The following SMAD6 variants were observed in gnomAD, a reference collection of about 807,000 sequenced individuals.
SMAD6 encodes the protein SMAD family member 6.
Under a neutral mutation model 39.4 loss-of-function variants are expected in SMAD6, and 103 were observed. The observed-to-expected ratio is 2.62, with a 90% confidence interval of 2.23 to 3.08. SMAD6 has a LOEUF of 3.08. SMAD6 is among the 30% of genes most tolerant of loss of function. The pLI is 0.00. For missense variants in SMAD6, 1,104 were observed against 742.9 expected (o/e 1.49, Z -5.65); for synonymous variants, 445 against 353.3 (o/e 1.26, Z -2.91).
At chr15:66,708,660 AAAG>A (rs1345290132) in intron 1 of SMAD6, 15 of 459,564 alleles carry the variant, frequency 3.3e-5, no homozygotes, top group Admixed American at 1.2e-4. Flanking sequence ...GTGCCACATG[AAAG>A]AAGAAGCCAG....
chr15:66,750,265 C>T (rs1350995874), intron 3 of SMAD6, among the ~76,000 whole-genome samples: 1 of 152,200 alleles, frequency 6.6e-6, no homozygotes, highest in Non-Finnish European at 1.5e-5. Flanking sequence ...CCAAACCCCT[C>T]TTTCTTTGTG....
Position 66,704,117 on chromosome 15 carries a change from C to G in SMAD6, c.817+42C>G, listed in dbSNP as rs552541061. The stretch of plus-strand genomic sequence containing the variant: ...GGCCGGGGGGGCCCCGGGTCCCCGT[C>G]CCCATCCCCTTCCGTGCCCTTCTCT... On this transcript the variant is annotated intron_variant, in intron 1 of 3. Coordinates refer to ENST00000288840, the MANE Select transcript of SMAD6 (RefSeq NM_005585.5). 4.5e-6 allele frequency: 6 copies of G among 1,341,036 alleles called. No homozygotes were observed. The South Asian group carries it at 4.8e-5, about 11-fold the overall frequency. The allele number at this position is 1,341,036 out of a possible 1,614,324, so 83.1% of individuals were successfully genotyped here.
chr15:66,717,407 C>T (rs1476427708), intron 3 of SMAD6: 1 of 456,126 alleles, frequency 2.2e-6, no homozygotes, highest in South Asian at 1.5e-5. Flanking sequence ...CTCCACTTGG[C>T]CGCTTTATAT....
At chr15:66,727,164 A>G (rs1893536956) in intron 3 of SMAD6, among the ~76,000 whole-genome samples, 1 of 149,884 alleles carries the variant, frequency 6.7e-6, no homozygotes, top group Admixed American at 6.7e-5. Flanking sequence ...GTGCAGTGGC[A>G]TGATCTCGGC....
rs1315294969 is a variant in SMAD6, at chr15:66,781,101, G to A, written c.1057G>A (p.Ala353Thr). Residue 353 changes from alanine to threonine, a missense_variant, in exon 4 of 4, where the codon GCC becomes ACC. Physicochemically the swap from Ala to Thr is moderately conservative, Grantham distance 58. Coordinates refer to ENST00000288840, the MANE Select transcript of SMAD6 (RefSeq NM_005585.5). ...VGRLYAVYDQAVSIFYDLPQG... is the reference protein window; with the variant it reads ...VGRLYAVYDQTVSIFYDLPQG... ...CCGCCTCTATGCGGTGTACGACCAG[G>A]CCGTCAGCATCTTCTACGACCTACC... is the stretch of plus-strand genomic sequence containing the variant. The A allele has an allele frequency of 3.7e-6, 6 of 1,608,510 alleles. No homozygotes were observed. Among genetic ancestry groups the A allele is most frequent in the East Asian group, 4.5e-5 (2 of 44,842 alleles).
intron 3 of SMAD6, among the ~76,000 whole-genome samples, chr15:66,738,637 G>T (rs565853444): frequency 1.3e-5 from 2 of 152,156 alleles, no homozygotes; most frequent in South Asian, 4.2e-4. Context: ...ACTTTTCCAT[G>T]TTGCACCCAG....
intron 3 of SMAD6, among the ~76,000 whole-genome samples, chr15:66,748,699 ACTCT>A (rs1234410457): frequency 1.3e-5 from 2 of 151,858 alleles, no homozygotes; most frequent in African/African-American, 4.8e-5. Context: ...GGGAGTTCCT[ACTCT>A]CCTGCCCTTC....
intron 1 of SMAD6, chr15:66,708,655 A>G (rs1893167563): frequency 2.2e-6 from 1 of 458,582 alleles, no homozygotes; most frequent in Admixed American, 2.4e-5. Flanking sequence ...ACTTTGTGCC[A>G]CATGAAAGAA....
chr15:66,734,105 G>A lies in SMAD6; in HGVS notation c.952+17607G>A, dbSNP rs1468097238. 3.9e-5 allele frequency among the ~76,000 whole-genome samples: 6 copies of A among 152,236 alleles called. No homozygotes were observed. In the East Asian group the frequency reaches 5.8e-4, roughly 15 times the overall value. On this transcript the variant is annotated intron_variant, in intron 3 of 3. Transcript: ENST00000288840. ...CACAGCCGGGAGGGAGGGAGAGGCC[G>A]GAGAGGCGGCCATCAGTGCTTGCAG...
intron 3 of SMAD6, among the ~76,000 whole-genome samples, chr15:66,723,311 TCAGA>T (rs1034292292): frequency 3.2e-4 from 49 of 152,312 alleles, no homozygotes; most frequent in African/African-American, 1.1e-3. Context: ...CCCCATGGCC[TCAGA>T]CAAAGGACTT....
At chr15:66,761,680 T>G (rs1894202179) in intron 3 of SMAD6, among the ~76,000 whole-genome samples, 1 of 152,198 alleles carries the variant, frequency 6.6e-6, no homozygotes, top group Admixed American at 6.5e-5. Context: ...ATGAGTGATC[T>G]CTGCTCTCTG....
intron 2 of SMAD6, among the ~76,000 whole-genome samples, chr15:66,714,371 T>C (rs1893287384): frequency 6.6e-6 from 1 of 150,930 alleles, no homozygotes; most frequent in Non-Finnish European, 1.5e-5. Context: ...GAATGGCCTT[T>C]ATTTTTGAAG....
At chr15:66,778,032 G>C (rs1894496018) in intron 3 of SMAD6, among the ~76,000 whole-genome samples, 1 of 152,062 alleles carries the variant, frequency 6.6e-6, no homozygotes, top group Non-Finnish European at 1.5e-5. Context: ...ACTGAGAGGA[G>C]GGGGATAGGA....
chr15:66,766,139 T>A (rs1307464848), intron 3 of SMAD6, among the ~76,000 whole-genome samples: 2 of 152,306 alleles, frequency 1.3e-5, no homozygotes, highest in East Asian at 3.9e-4. Flanking sequence ...GGGCATGTGC[T>A]CTAGGAATGC....
rs2140660786 is a variant in SMAD6, at chr15:66,762,622, A to C, written c.953-18375A>C. ...TGGAAGTGGTTCTTGGTGGGTCTTC[A>C]CAAATAAGTGAGTTGGTCTGCCTGT... On this transcript the variant is annotated intron_variant, in intron 3 of 3. Transcript: ENST00000288840. Among the ~76,000 whole-genome samples, 2 of 152,162 alleles carry C rather than the reference A, an allele frequency of 1.3e-5. 1 individual carries two copies. The highest frequency in any genetic ancestry group is 4.8e-5 in the African/African-American group (2 of 41,516).
chr15:66,719,418 T>C (rs1303078733), intron 3 of SMAD6, among the ~76,000 whole-genome samples: 1 of 152,084 alleles, frequency 6.6e-6, no homozygotes, highest in East Asian at 1.9e-4. Context: ...TGGACAAACC[T>C]TGGGGACCAC....
At chr15:66,716,144 T>C (rs1893324883) in intron 2 of SMAD6, among the ~76,000 whole-genome samples, 1 of 152,184 alleles carries the variant, frequency 6.6e-6, no homozygotes, top group Non-Finnish European at 1.5e-5. Flanking sequence ...TCCCCTGAAC[T>C]TGGGTTATTT....
intron 3 of SMAD6, among the ~76,000 whole-genome samples, chr15:66,732,019 C>T (rs1447233371): frequency 1.3e-5 from 2 of 150,266 alleles, no homozygotes; most frequent in Admixed American, 1.3e-4. Flanking sequence ...TCTTGGCTCA[C>T]TGTAACCTCT....
At chr15:66,713,807 C>G (rs571637206) in intron 2 of SMAD6, among the ~76,000 whole-genome samples, 1 of 152,290 alleles carries the variant, frequency 6.6e-6, no homozygotes, top group South Asian at 2.1e-4. Context: ...GGTGGCCACC[C>G]TATTGTTGTT....
Sources: gnomAD v4.1 joint callset for allele counts (sites outside exome capture counted in the v4.1 genomes callset) on GRCh38, gnomAD v4.1.1 for gene constraint, MANE v1.5 for transcripts, NCBI Gene and HGNC (gene_info 2026-07-23, HGNC 2026-07-21) for gene names.